TMEM43: variants seen among roughly 807,000 people sequenced by gnomAD.
TMEM43 encodes the protein arrhythmogenic right ventricular dysplasia 5.
Under a neutral mutation model 49.6 loss-of-function variants are expected in TMEM43, and 45 were observed. The ratio of observed to expected loss-of-function variants is 0.91; its 90% CI spans 0.71 to 1.16. The LOEUF (loss-of-function observed/expected upper bound fraction) is 1.16. TMEM43 is among the 50% of genes most tolerant of loss of function. TMEM43 has a pLI of 0.00. For missense variants in TMEM43, 532 were observed against 516.6 expected (o/e 1.03, Z -0.29); for synonymous variants, 199 against 207.8 (o/e 0.96, Z 0.36).
At chr3:14,129,631 C>T (rs755631736) in intron 2 of TMEM43, 70 bp downstream of exon 2, 24 of 1,568,842 alleles carry the variant, frequency 1.5e-5, no homozygotes, top group Non-Finnish European at 2.0e-5. Context: ...GGCGATGAAC[C>T]CGGAGGCTGG....
chr3:14,126,875 G>A (rs1018945294), intron 1 of TMEM43, among the ~76,000 whole-genome samples: 1 of 152,222 alleles, frequency 6.6e-6, no homozygotes, highest in Non-Finnish European at 1.5e-5. Flanking sequence ...AATCAGTACA[G>A]CAGCAGCAGT....
intron 1 of TMEM43, among the ~76,000 whole-genome samples, chr3:14,127,393 G>A (rs1237961308): frequency 6.6e-6 from 1 of 152,112 alleles, no homozygotes; most frequent in East Asian, 1.9e-4. Flanking sequence ...AGGCCCAAGA[G>A]GAAGACACGC....
chr3:14,133,568 A>G (rs561269973), intron 6 of TMEM43, among the ~76,000 whole-genome samples, 171 bp from the exon 7 acceptor site: 1 of 152,146 alleles, frequency 6.6e-6, no homozygotes, highest in South Asian at 2.1e-4. Flanking sequence ...AGCCCAGGGG[A>G]GGGGGCACAG....
chr3:14,138,119 A>C (rs1000934196), intron 10 of TMEM43, among the ~76,000 whole-genome samples: 1 of 152,212 alleles, frequency 6.6e-6, no homozygotes, highest in African/African-American at 2.4e-5. Context: ...TCAGAGGGTC[A>C]GGGAAAGCCC....
In TMEM43 at chr3:14,135,886, A is replaced by C; in HGVS notation, c.860A>C (p.His287Pro). The C allele has an allele frequency of 6.2e-7, 1 of 1,614,190 alleles. No individual in the cohort carries two copies. The highest frequency in any genetic ancestry group is 8.5e-7 in the Non-Finnish European group (1 of 1,180,034). Residue 287 changes from histidine (H) to proline (P), a missense_variant, in exon 10 of 12, where the codon CAC (histidine) becomes CCC (proline). His to Pro is a moderately conservative substitution (Grantham distance 77). Transcript: ENST00000306077. Reference sequence around the variant, plus strand: ...TCTGGGGATACCTTACTGCTCCTGCACCACGGGGACTTCTCAGCAGAGGTG... The same window carrying C: ...TCTGGGGATACCTTACTGCTCCTGCCCCACGGGGACTTCTCAGCAGAGGTG... ...TKSGDTLLLLHHGDFSAEEVF... is the reference protein window; with the variant it reads ...TKSGDTLLLLPHGDFSAEEVF...
Position 14,132,568 on chromosome 3 carries a change from G to T in TMEM43, c.415G>T (p.Val139Leu), listed in dbSNP as rs1695111505. Residue 139 changes from valine to leucine, a missense_variant, in exon 5 of 12, where the codon GTG becomes TTG. Physicochemically the swap from Val to Leu is conservative, Grantham distance 32. Transcript: ENST00000306077. The part of the protein sequence containing the change: ...ESREYTEDGQ[V>L]KKETRYSYNT... ...CAGGGAGTACACCGAGGATGGGCAGGTGAAGAAGGAGACGAGGTATTCCTA... is the reference window on the plus strand; with the variant it reads ...CAGGGAGTACACCGAGGATGGGCAGTTGAAGAAGGAGACGAGGTATTCCTA... 1 of 1,614,086 alleles carries T rather than the reference G, an allele frequency of 6.2e-7. No individual in the cohort carries two copies. Among genetic ancestry groups the T allele is most frequent in the East Asian group, 2.2e-5 (1 of 44,896 alleles).
chr3:14,136,584 A>G (rs530918846), intron 10 of TMEM43, among the ~76,000 whole-genome samples: 19 of 152,292 alleles, frequency 1.2e-4, no homozygotes, highest in Middle Eastern at 3.4e-3. Flanking sequence ...GGTTAACCCT[A>G]GAAGAATCAG....
chr3:14,142,601 A>AT lies in TMEM43; in HGVS notation c.*806_*807insT, dbSNP rs1174366365. 7 of 152,804 alleles carry AT rather than the reference A, an allele frequency of 4.6e-5. No individual in the cohort carries two copies. Among genetic ancestry groups the AT allele is most frequent in the Middle Eastern group, 3.4e-3 (1 of 294 alleles). The allele number at this position is 152,804 out of a possible 1,614,324, so 9.5% of individuals were successfully genotyped here. A position where few individuals can be genotyped will look rare whatever the true frequency, so the allele number is the denominator to read the frequency against. On this transcript the variant is annotated 3_prime_UTR_variant, in exon 12 of 12. Coordinates refer to ENST00000306077, the MANE Select transcript of TMEM43 (RefSeq NM_024334.3). Reference sequence around the variant, plus strand: ...ACTTAATATTTCAGACTGTTACAGGAAACACCCTTTAGTCTGTCAGTTGAA... The same window carrying AT: ...ACTTAATATTTCAGACTGTTACAGGATAACACCCTTTAGTCTGTCAGTTGAA...
chr3:14,133,592 G>A (rs941384228), intron 6 of TMEM43, 147 bp from the exon 7 acceptor site: 7 of 785,600 alleles, frequency 8.9e-6, no homozygotes, highest in African/African-American at 1.7e-5. Flanking sequence ...CCCTGGGGGT[G>A]GACAGGACAA....
chr3:14,136,947 T>A (rs1260089214), intron 10 of TMEM43, among the ~76,000 whole-genome samples: 1 of 149,436 alleles, frequency 6.7e-6, no homozygotes, highest in Non-Finnish European at 1.5e-5. Context: ...AGTCTTTAGT[T>A]TTTCTGTTGT....
chr3:14,134,064 C>A (rs1208829378), intron 7 of TMEM43, among the ~76,000 whole-genome samples: 2 of 152,212 alleles, frequency 1.3e-5, no homozygotes, highest in Non-Finnish European at 2.9e-5. Flanking sequence ...AGGCATGCAT[C>A]CTCACCCTGC....
intron 1 of TMEM43, among the ~76,000 whole-genome samples, chr3:14,125,886 A>G (rs1175585171): frequency 1.3e-5 from 2 of 152,134 alleles, no homozygotes; most frequent in African/African-American, 4.8e-5. Flanking sequence ...TCGGGAAACT[A>G]TTTAAGCCCA....
chr3:14,135,901 C>T lies in TMEM43; in HGVS notation c.875C>T (p.Ser292Leu), dbSNP rs1695163547. Residue 292 changes from serine (S) to leucine (L), a missense_variant, in exon 10 of 12, where the codon TCA becomes TTA. Coordinates refer to ENST00000306077, the MANE Select transcript of TMEM43 (RefSeq NM_024334.3). ...TLLLLHHGDFSAEEVFHRELR... is the reference protein window; with the variant it reads ...TLLLLHHGDFLAEEVFHRELR... ...CTGCTCCTGCACCACGGGGACTTCT[C>T]AGCAGAGGTGAGTGCTGTGCCCTAC... is the stretch of plus-strand genomic sequence containing the variant. 4 of 1,614,004 alleles carry T rather than the reference C, an allele frequency of 2.5e-6. No homozygotes were observed. Among genetic ancestry groups the T allele is most frequent in the Non-Finnish European group, 2.5e-6 (3 of 1,179,862 alleles).
chr3:14,137,812 TATTC>T (rs1013704976), intron 10 of TMEM43: 109 of 152,392 alleles, frequency 7.2e-4, no homozygotes, highest in African/African-American at 2.5e-3. Context: ...CATTGAGGAT[TATTC>T]ATTCATTCAG....
intron 6 of TMEM43, 95 bp from the exon 7 acceptor site, chr3:14,133,644 C>T: frequency 8.5e-7 from 1 of 1,170,890 alleles, no homozygotes. Context: ...TGCAGGAACC[C>T]CCGGGTGGGG....
At chr3:14,131,098 G>A in intron 3 of TMEM43, 142 bp downstream of exon 3, 2 of 1,060,462 alleles carry the variant, frequency 1.9e-6, no homozygotes, top group Non-Finnish European at 2.7e-6. Context: ...CAGCTGTGTG[G>A]ACTTGTCTAT....
At chr3:14,138,040 A>T (rs1005612167) in intron 10 of TMEM43, 1 of 152,218 alleles carries the variant, frequency 6.6e-6, no homozygotes, top group African/African-American at 2.4e-5. Flanking sequence ...GACAGTATCA[A>T]ATAAATGGTG....
At chr3:14,141,345 ACATC>A (rs770042974) in intron 11 of TMEM43, among the ~76,000 whole-genome samples, 20 of 152,210 alleles carry the variant, frequency 1.3e-4, no homozygotes, top group Non-Finnish European at 2.8e-4. Flanking sequence ...AAGCACTGCT[ACATC>A]CTCTCCCCTG....
rs991092070 is a variant in TMEM43, at chr3:14,141,980, C to T, written c.*185C>T. ...TTGGTGTTCACCAGCTCATGTCTTC[C>T]CCACATCTCTTCTTGCCAGTAAGCA... On this transcript the variant is annotated 3_prime_UTR_variant, in exon 12 of 12. Transcript: ENST00000306077. 6.3e-5 allele frequency: 39 copies of T among 617,722 alleles called. 1 individual carries two copies. In the South Asian group the frequency reaches 6.9e-4, roughly 11 times the overall value. 38.3% of individuals were successfully genotyped at this position (617,722 alleles called of 1,614,324 possible).
Sources: allele counts gnomAD v4.1 joint callset (sites outside exome capture counted in the v4.1 genomes callset), GRCh38; gene constraint gnomAD v4.1.1; transcripts MANE v1.5; gene names NCBI Gene and HGNC (gene_info 2026-07-23, HGNC 2026-07-21).